The following COL22A1 variants were observed in gnomAD, a reference collection of about 807,000 sequenced individuals.
COL22A1 encodes collagen type XXII alpha 1 chain.
A neutral mutation model predicts 248.9 loss-of-function variants in COL22A1; 221 were observed. That is an observed-to-expected ratio of 0.89 (90% confidence interval 0.80 to 0.99). The LOEUF (loss-of-function observed/expected upper bound fraction) is 0.99, where lower values mean the gene tolerates loss of function less well. Ranked by LOEUF, COL22A1 falls within the 50% of genes least tolerant of loss-of-function variation. The pLI is 0.00. For missense variants in COL22A1, 2,240 were observed against 2,179.0 expected (o/e 1.03, Z -0.56); for synonymous variants, 891 against 793.4 (o/e 1.12, Z -2.07).
At chr8:138,732,024 G>A (rs955208623) in intron 23 of COL22A1, among the ~76,000 whole-genome samples, 2 of 152,176 alleles carry the variant, frequency 1.3e-5, no homozygotes, top group African/African-American at 4.8e-5. Context: ...AATGAAACCA[G>A]AAGACTAATT....
At chr8:138,888,908 A>T (rs997951575) in intron 1 of COL22A1, among the ~76,000 whole-genome samples, 1 of 152,202 alleles carries the variant, frequency 6.6e-6, no homozygotes, top group Non-Finnish European at 1.5e-5. Flanking sequence ...TGATGAATGA[A>T]TGATGAACGG....
At chr8:138,904,338 C>A (rs1290269297) in intron 1 of COL22A1, among the ~76,000 whole-genome samples, 4 of 151,924 alleles carry the variant, frequency 2.6e-5, no homozygotes, top group African/African-American at 7.3e-5. Flanking sequence ...CAGAGACACC[C>A]CACACACACA....
chr8:138,789,711 T>C (rs1176158676), intron 12 of COL22A1, among the ~76,000 whole-genome samples: 1 of 152,118 alleles, frequency 6.6e-6, no homozygotes, highest in Non-Finnish European at 1.5e-5. Context: ...AAATGGGGGA[T>C]CCCCACTCTT....
At chr8:138,594,330 T>C in intron 62 of COL22A1, 131 bp from the exon 63 acceptor site, 1 of 693,000 alleles carries the variant, frequency 1.4e-6, no homozygotes. Context: ...ACAGGATGGC[T>C]ACTCACTGAC....
intron 11 of COL22A1, 122 bp downstream of exon 11, chr8:138,802,749 GA>G: frequency 1.3e-6 from 1 of 762,208 alleles, no homozygotes; most frequent in Admixed American, 1.9e-5. Flanking sequence ...GGTGGTGTGG[GA>G]GTAGTGCCTG....
chr8:138,908,908 C>T (rs573978405), intron 1 of COL22A1, among the ~76,000 whole-genome samples: 16 of 152,284 alleles, frequency 1.1e-4, no homozygotes, highest in African/African-American at 3.8e-4. Context: ...CAACAATGCA[C>T]TGGAGGTTGC....
At chr8:138,616,384 C>T (rs760627351) in intron 54 of COL22A1, among the ~76,000 whole-genome samples, 1 of 152,220 alleles carries the variant, frequency 6.6e-6, no homozygotes, top group Non-Finnish European at 1.5e-5. Flanking sequence ...TACACCTGTG[C>T]TTGCTCCTTG....
chr8:138,908,706 C>T (rs1815210128), intron 1 of COL22A1, among the ~76,000 whole-genome samples: 1 of 152,128 alleles, frequency 6.6e-6, no homozygotes, highest in Non-Finnish European at 1.5e-5. Context: ...CGCCTGGCAC[C>T]AATTGGCACT....
intron 31 of COL22A1, among the ~76,000 whole-genome samples, chr8:138,701,575 C>CT (rs1827978831): frequency 6.6e-6 from 1 of 152,162 alleles, no homozygotes; most frequent in African/African-American, 2.4e-5. Context: ...AAATATATAA[C>CT]TTTGTGCAAG....
Position 138,716,852 on chromosome 8 carries a change from C to G in COL22A1, c.2373G>C (p.Gln791His), listed in dbSNP as rs564465421. 6.2e-7 allele frequency: 1 copy of G among 1,612,414 alleles called. No homozygotes were observed. The highest frequency in any genetic ancestry group is 2.2e-5 in the East Asian group (1 of 44,860). The change falls in exon 28 of 65, where the codon CAG becomes CAC. Residue 791 changes from glutamine (Q) to histidine (H), a missense_variant. Gln to His is a conservative substitution (Grantham distance 24, BLOSUM62 0). Coordinates refer to ENST00000303045, the MANE Select transcript of COL22A1 (RefSeq NM_152888.3). ...KPGLRGEIGE[Q>H]GLAGRPGEKG... ...TCTCTCCAGGTCGGCCTGCCAGGCC[C>G]TGCTCCCCAATTTCTCCCTGAAAAT...
intron 59 of COL22A1, among the ~76,000 whole-genome samples, chr8:138,602,762 A>G (rs7017353): frequency 0.88 from 133,434 of 151,924 alleles, 59,059 homozygotes; most frequent in Middle Eastern, 0.95. Context: ...CACAGTGCCC[A>G]CTGCTTCTGT....
intron 35 of COL22A1, among the ~76,000 whole-genome samples, chr8:138,692,340 GT>G (rs1267463194): frequency 2.7e-5 from 2 of 73,434 alleles, no homozygotes; most frequent in Non-Finnish European, 5.8e-5. Flanking sequence ...GTTTGTGGAT[GT>G]GTGTATGTGT....
At chr8:138,912,084 A>G (rs1408757234) in intron 1 of COL22A1, among the ~76,000 whole-genome samples, 3 of 152,164 alleles carry the variant, frequency 2.0e-5, no homozygotes, top group Admixed American at 6.5e-5. Flanking sequence ...CACGTACCAG[A>G]TGCCTCTTGT....
chr8:138,776,033 T>C (rs753385365), intron 15 of COL22A1, 23 bp from the exon 16 acceptor site: 5 of 1,613,470 alleles, frequency 3.1e-6, no homozygotes, highest in Non-Finnish European at 2.5e-6. Flanking sequence ...GAAAGAGCAG[T>C]GACCCAACAT....
At chr8:138,861,776 T>C (rs756246179) in intron 3 of COL22A1, among the ~76,000 whole-genome samples, 1 of 152,170 alleles carries the variant, frequency 6.6e-6, no homozygotes, top group Non-Finnish European at 1.5e-5. Context: ...AAAGCAGTAC[T>C]CCTCTCTTGG....
At chr8:138,908,901 C>T (rs1815223039) in intron 1 of COL22A1, among the ~76,000 whole-genome samples, 1 of 152,154 alleles carries the variant, frequency 6.6e-6, no homozygotes, top group African/African-American at 2.4e-5. Context: ...AGACATCCAA[C>T]AATGCACTGG....
At chr8:138,692,390 C>T (rs62527924) in intron 35 of COL22A1, among the ~76,000 whole-genome samples, 1 of 121,762 alleles carries the variant, frequency 8.2e-6, no homozygotes, top group African/African-American at 3.2e-5. Flanking sequence ...GTATTGTGCA[C>T]GTATGTACAT....
chr8:138,758,245 AAC>A (rs1833188032), intron 18 of COL22A1, among the ~76,000 whole-genome samples: 1 of 152,216 alleles, frequency 6.6e-6, no homozygotes, highest in African/African-American at 2.4e-5. Context: ...CCCTTGAGAT[AAC>A]TATTAATGTG....
chr8:138,629,058 A>G (rs13255044), intron 50 of COL22A1, among the ~76,000 whole-genome samples: 149,012 of 152,184 alleles, frequency 0.98, 73,094 homozygotes, highest in African/African-American at 1. Context: ...TGATTTGCCC[A>G]CCTTGGTCTC....
Sources: allele counts gnomAD v4.1 joint callset (sites outside exome capture counted in the v4.1 genomes callset), GRCh38; gene constraint gnomAD v4.1.1; transcripts MANE v1.5; gene names NCBI Gene and HGNC (gene_info 2026-07-23, HGNC 2026-07-21).